The following DOCK8 variants were observed in gnomAD, a reference collection of about 807,000 sequenced individuals.
The protein encoded by DOCK8 is dedicator of cytokinesis 8, also known as dedicator of cytokinesis protein 8.
A neutral mutation model predicts 245.6 loss-of-function variants in DOCK8; 141 were observed. That is an observed-to-expected ratio of 0.57 (90% CI 0.50 to 0.66). The LOEUF is 0.66. Ranked by LOEUF, DOCK8 falls within the 30% of genes least tolerant of loss-of-function variation. The probability of loss-of-function intolerance (pLI) is 0.00; values close to 1 mark genes in which losing one functional copy is unlikely to be tolerated. For missense variants in DOCK8, 2,965 were observed against 2,603.4 expected, an observed-to-expected ratio of 1.14 and a Z score of -3.02; for synonymous variants, 1,168 against 970.2, an observed-to-expected ratio of 1.20 and a Z score of -3.79.
intron 33 of DOCK8, among the ~76,000 whole-genome samples, chr9:423,005 A>T (rs1399634540): frequency 2.1e-5 from 3 of 145,062 alleles, no homozygotes; most frequent in Non-Finnish European, 4.6e-5. Flanking sequence ...AAAAAAAAAG[A>T]ACCTCAAATC....
intron 11 of DOCK8, among the ~76,000 whole-genome samples, chr9:335,903 G>A (rs1285790551): frequency 6.6e-6 from 1 of 152,174 alleles, no homozygotes; most frequent in Non-Finnish European, 1.5e-5. Flanking sequence ...CTAGTTCTAA[G>A]CAATTTGATT....
At chr9:436,649 A>G (rs1317215968) in intron 39 of DOCK8, among the ~76,000 whole-genome samples, 1 of 152,210 alleles carries the variant, frequency 6.6e-6, no homozygotes, top group Non-Finnish European at 1.5e-5. Flanking sequence ...TTTGCTAATA[A>G]TGACATGCCA....
chr9:238,434 A>T (rs1371455397), intron 1 of DOCK8, among the ~76,000 whole-genome samples: 1 of 152,218 alleles, frequency 6.6e-6, no homozygotes. Flanking sequence ...GTAGATACTC[A>T]AAAAAGAAAA....
At chr9:330,747 T>C (rs1302908216) in intron 9 of DOCK8, among the ~76,000 whole-genome samples, 1 of 152,220 alleles carries the variant, frequency 6.6e-6, no homozygotes, top group Non-Finnish European at 1.5e-5. Context: ...TTTAGGTTAA[T>C]CTGATAGGCT....
At chr9:245,850 A>G (rs1464156226) in intron 1 of DOCK8, among the ~76,000 whole-genome samples, 1 of 152,224 alleles carries the variant, frequency 6.6e-6, no homozygotes. Context: ...AAAACTTTAA[A>G]CTTGCTGGAC....
intron 4 of DOCK8, among the ~76,000 whole-genome samples, chr9:296,167 T>C (rs2049252929): frequency 6.6e-6 from 1 of 152,204 alleles, no homozygotes; most frequent in South Asian, 2.1e-4. Context: ...GATTACTGGT[T>C]TACTGATTAG....
Position 441,404 on chromosome 9 carries a change from G to A in DOCK8, c.5342G>A (p.Ser1781Asn), listed in dbSNP as rs771782111. Residue 1781 changes from serine to asparagine, a missense_variant, in exon 41 of 48, where the codon AGC becomes AAC. Transcript: ENST00000432829. The stretch of plus-strand genomic sequence containing the variant: ...AGCAAGCTGCAGAGAGCCTTCGACA[G>A]CATCGTTAACAAGGTAGCCGGGGAG... The part of the protein sequence containing the change: ...THSKLQRAFD[S>N]IVNKDHKRMF... The A allele has an allele frequency of 1.9e-6, 3 of 1,614,194 alleles. No homozygotes were observed. Among genetic ancestry groups the A allele is most frequent in the South Asian group, 1.1e-5 (1 of 91,084 alleles).
chr9:276,922 C>A, intron 2 of DOCK8: 1 of 283,254 alleles, frequency 3.5e-6, no homozygotes, highest in Non-Finnish European at 7.5e-6. Flanking sequence ...GATTCTCCTG[C>A]CTCAGCCTCC....
At chr9:329,139 A>G (rs2050895258) in intron 9 of DOCK8, among the ~76,000 whole-genome samples, 1 of 151,772 alleles carries the variant, frequency 6.6e-6, no homozygotes, top group Non-Finnish European at 1.5e-5. Flanking sequence ...TTTAGTAGGG[A>G]CAGGATTTCA....
chr9:403,561 A>C (rs1339890786), intron 26 of DOCK8, among the ~76,000 whole-genome samples: 1 of 152,162 alleles, frequency 6.6e-6, no homozygotes, highest in African/African-American at 2.4e-5. Flanking sequence ...GCTTCTTGTA[A>C]AATGGCTGAA....
At chr9:428,080 C>T (rs755900732) in intron 34 of DOCK8, among the ~76,000 whole-genome samples, 19 of 152,170 alleles carry the variant, frequency 1.2e-4, no homozygotes, top group Non-Finnish European at 1.8e-4. Context: ...AAAGAACTTT[C>T]CAAAAGATGT....
Position 426,715 on chromosome 9 carries a change from A to G in DOCK8, c.4242-170A>G, listed in dbSNP as rs577455618. On this transcript the variant is annotated intron_variant, in intron 33 of 47. Transcript: ENST00000432829. The stretch of plus-strand genomic sequence containing the variant: ...ACCTAGACAGTTGTTTCGACAAGAC[A>G]TGAATCACAGAAGGCACCTGCACTG... Among the ~76,000 whole-genome samples the G allele has an allele frequency of 1.1e-4, 16 of 152,336 alleles. No homozygotes were observed. The South Asian group carries it at 1.5e-3, about 14-fold the overall frequency.
intron 5 of DOCK8, among the ~76,000 whole-genome samples, chr9:311,677 G>A (rs758375634): frequency 2.0e-5 from 3 of 152,176 alleles, no homozygotes; most frequent in Non-Finnish European, 2.9e-5. Flanking sequence ...CGATAGGAAT[G>A]TAGTACTGTT....
At chr9:390,327 C>T (rs900036166) in intron 23 of DOCK8, 144 bp from the exon 24 acceptor site, 16 of 764,700 alleles carry the variant, frequency 2.1e-5, no homozygotes, top group South Asian at 4.6e-5. Flanking sequence ...TTGCCATCCA[C>T]CACTTACTGC....
chr9:308,719 A>G (rs1179470352), intron 5 of DOCK8, among the ~76,000 whole-genome samples: 1 of 152,118 alleles, frequency 6.6e-6, no homozygotes, highest in Non-Finnish European at 1.5e-5. Context: ...GTGCAGTGGC[A>G]CGATCTTGGC....
In DOCK8 at chr9:429,794, C is replaced by G; in HGVS notation, c.4566C>G (p.Thr1522=). 1 of 1,614,176 alleles carries G rather than the reference C, an allele frequency of 6.2e-7. No individual in the cohort carries two copies. The highest frequency in any genetic ancestry group is 8.5e-7 in the Non-Finnish European group (1 of 1,180,040). The change falls in exon 36 of 48, where the codon ACC becomes ACG. Residue 1522 remains threonine (T), a synonymous_variant. Transcript: ENST00000432829. ...ACTGCAGCAGCAGCATGGATGTCAC[C>G]CGGAGCCAAGCCTGTGCCACCCTTT... is the stretch of plus-strand genomic sequence containing the variant. ...LHHCSSSMDV[T]RSQACATLYL...
At chr9:436,243 A>C (rs754795155) in intron 39 of DOCK8, among the ~76,000 whole-genome samples, 50 of 152,248 alleles carry the variant, frequency 3.3e-4, no homozygotes, top group Non-Finnish European at 6.6e-4. Context: ...TTGGCAAATG[A>C]ATTTTCTTCT....
chr9:405,152 A>G lies in DOCK8; in HGVS notation c.3390+79A>G. On this transcript the variant is annotated intron_variant, in intron 27 of 47. Transcript: ENST00000432829. ...AGCTCAGTTTAATCATGTATTTCCT[A>G]TAAAGGTTAGTCTTATTAATTTGAC... 3.5e-6 allele frequency: 5 copies of G among 1,417,786 alleles called. No individual in the cohort carries two copies. In the East Asian group the frequency reaches 7.2e-5, roughly 21 times the overall value. The allele number at this position is 1,417,786 out of a possible 1,614,324, so 87.8% of individuals were successfully genotyped here.
intron 1 of DOCK8, among the ~76,000 whole-genome samples, chr9:215,892 A>G (rs1205370778): frequency 6.6e-6 from 1 of 152,194 alleles, no homozygotes; most frequent in Non-Finnish European, 1.5e-5. Context: ...TTAAAAGATA[A>G]TAGGAAACTC....
Sources: allele counts gnomAD v4.1 joint callset (sites outside exome capture counted in the v4.1 genomes callset), GRCh38; gene constraint gnomAD v4.1.1; transcripts MANE v1.5; gene names NCBI Gene and HGNC (gene_info 2026-07-23, HGNC 2026-07-21).